Variants in ZNF385D observed in about 807,000 individuals in gnomAD.
ZNF385D encodes the protein zinc finger protein 385D.
ZNF385D carries 15 observed loss-of-function variants against 35.8 expected under a neutral mutation model. That is an observed-to-expected ratio of 0.42 (90% CI 0.28 to 0.64). The LOEUF is 0.64. Among genes scored for constraint, ZNF385D ranks in the 30% least tolerant of loss-of-function variants. ZNF385D has a pLI of 0.23. For missense variants in ZNF385D, 474 were observed against 494.6 expected (o/e 0.96, Z 0.39); for synonymous variants, 212 against 186.8 (o/e 1.13, Z -1.10).
chr3:22,027,575 G>C (rs1165555362), intron 3 of ZNF385D, among the ~76,000 whole-genome samples: 1 of 152,188 alleles, frequency 6.6e-6, no homozygotes, highest in East Asian at 1.9e-4. Context: ...GGCTTTGGTG[G>C]AAACTGGACA....
At chr3:22,038,667 T>C (rs1698480604) in intron 3 of ZNF385D, among the ~76,000 whole-genome samples, 1 of 152,094 alleles carries the variant, frequency 6.6e-6, no homozygotes, top group African/African-American at 2.4e-5. Context: ...AATTTAATTC[T>C]AATTCTTTTG....
intron 4 of ZNF385D, among the ~76,000 whole-genome samples, chr3:21,485,700 C>A (rs1266158136): frequency 1.3e-5 from 2 of 151,866 alleles, no homozygotes; most frequent in Non-Finnish European, 2.9e-5. Flanking sequence ...TAAATAGTAA[C>A]AGTAACTTTC....
intron 1 of ZNF385D, among the ~76,000 whole-genome samples, chr3:21,704,623 C>T (rs1193754471): frequency 6.6e-6 from 1 of 151,866 alleles, no homozygotes; most frequent in African/African-American, 2.4e-5. Context: ...ATTCTTTTCC[C>T]TTAGTCACAT....
intron 3 of ZNF385D, among the ~76,000 whole-genome samples, chr3:22,013,790 T>G (rs1190728549): frequency 6.6e-6 from 1 of 152,042 alleles, no homozygotes; most frequent in African/African-American, 2.4e-5. Context: ...TGGATCCATG[T>G]TTACAGAGGA....
At chr3:22,011,553 T>A (rs1412333771) in intron 3 of ZNF385D, among the ~76,000 whole-genome samples, 1 of 152,090 alleles carries the variant, frequency 6.6e-6, no homozygotes, top group Non-Finnish European at 1.5e-5. Context: ...TCCTTAGAAA[T>A]TTTTCATTTT....
At chr3:21,931,540 G>C (rs192853621) in intron 3 of ZNF385D, among the ~76,000 whole-genome samples, 1 of 152,252 alleles carries the variant, frequency 6.6e-6, no homozygotes, top group East Asian at 1.9e-4. Flanking sequence ...CTGGTGAATG[G>C]GTAAGTACAA....
At chr3:21,875,933 A>G (rs768262873) in intron 3 of ZNF385D, among the ~76,000 whole-genome samples, 3 of 152,136 alleles carry the variant, frequency 2.0e-5, no homozygotes, top group African/African-American at 7.2e-5. Flanking sequence ...AGAAACCTTA[A>G]TATCAATTTA....
intron 2 of ZNF385D, among the ~76,000 whole-genome samples, chr3:22,358,977 G>A (rs1161686600): frequency 6.6e-6 from 1 of 150,824 alleles, no homozygotes; most frequent in African/African-American, 2.4e-5. Flanking sequence ...CCAGTACCAA[G>A]GAAATTCAAG....
chr3:21,761,369 G>C (rs1271434849), intron 3 of ZNF385D, among the ~76,000 whole-genome samples: 1 of 152,172 alleles, frequency 6.6e-6, no homozygotes, highest in African/African-American at 2.4e-5. Context: ...CACATCAATA[G>C]ATGGCTAATA....
intron 3 of ZNF385D, among the ~76,000 whole-genome samples, chr3:22,084,643 A>C (rs372400965): frequency 2.0e-5 from 3 of 152,134 alleles, no homozygotes; most frequent in Non-Finnish European, 2.9e-5. Flanking sequence ...GACTTTAACA[A>C]CCCACTGTCA....
chr3:22,312,314 T>C (rs1160309568), intron 2 of ZNF385D, among the ~76,000 whole-genome samples: 3 of 152,092 alleles, frequency 2.0e-5, no homozygotes, highest in East Asian at 1.9e-4. Flanking sequence ...TATTTTGAAA[T>C]CACACCATTA....
chr3:22,109,561 C>T (rs1369314159), intron 3 of ZNF385D, among the ~76,000 whole-genome samples: 1 of 152,088 alleles, frequency 6.6e-6, no homozygotes, highest in Non-Finnish European at 1.5e-5. Context: ...GGGTTTTTCT[C>T]AGATGAAGAA....
At chr3:22,180,706 G>T (rs1695182915) in intron 2 of ZNF385D, among the ~76,000 whole-genome samples, 1 of 152,078 alleles carries the variant, frequency 6.6e-6, no homozygotes, top group African/African-American at 2.4e-5. Context: ...CTCAATAGAT[G>T]CAGAAAAGGC....
chr3:22,130,419 A>G (rs1337797936), intron 3 of ZNF385D, among the ~76,000 whole-genome samples: 1 of 152,180 alleles, frequency 6.6e-6, no homozygotes, highest in African/African-American at 2.4e-5. Flanking sequence ...AAGTTTATTT[A>G]GAAACCCATT....
At chr3:22,221,234 G>C (rs1323764134) in intron 2 of ZNF385D, among the ~76,000 whole-genome samples, 1 of 151,988 alleles carries the variant, frequency 6.6e-6, no homozygotes, top group Admixed American at 6.6e-5. Flanking sequence ...TAAAATATGT[G>C]TATATACACC....
chr3:21,615,206 T>C (rs1183177229), intron 2 of ZNF385D, among the ~76,000 whole-genome samples: 2 of 152,114 alleles, frequency 1.3e-5, no homozygotes. Flanking sequence ...ATATGAGACC[T>C]GGTTGTTAAA....
In ZNF385D at chr3:21,506,586, T is replaced by G. The variant is rs141586314; in HGVS notation, c.439+4275A>C. 1.9e-3 allele frequency among the ~76,000 whole-genome samples: 290 copies of G among 152,288 alleles called. 1 individual carries two copies. The highest frequency in any genetic ancestry group is 6.7e-3 in the African/African-American group (279 of 41,576). ...ACTTGCCTAGTTACTTTGAGTATAA[T>G]TTTTAAAATTTTGCCATTAATTTTT... On this transcript the variant is annotated intron_variant, in intron 4 of 7. Coordinates refer to ENST00000281523, the MANE Select transcript of ZNF385D (RefSeq NM_024697.3).
At chr3:22,094,399 T>TCAACAATATATATTGTTG (rs1701504117) in intron 3 of ZNF385D, among the ~76,000 whole-genome samples, 1 of 147,252 alleles carries the variant, frequency 6.8e-6, no homozygotes, top group African/African-American at 2.5e-5. Flanking sequence ...TATATATATA[T>TCAACAATATATATTGTTG]ATATATATAT....
At chr3:22,293,439 C>T (rs966227175) in intron 2 of ZNF385D, among the ~76,000 whole-genome samples, 21 of 152,030 alleles carry the variant, frequency 1.4e-4, no homozygotes, top group Non-Finnish European at 2.2e-4. Context: ...AGCTACTAAA[C>T]CTGGTACTCT....
Sources: gnomAD v4.1 joint callset for allele counts (sites outside exome capture counted in the v4.1 genomes callset) on GRCh38, gnomAD v4.1.1 for gene constraint, MANE v1.5 for transcripts, NCBI Gene and HGNC (gene_info 2026-07-23, HGNC 2026-07-21) for gene names.